Variants in SNTB1 observed in about 807,000 individuals in gnomAD.
The protein encoded by SNTB1 is beta-1-syntrophin.
In SNTB1, 36 loss-of-function variants were observed where a neutral mutation model predicts 48.9. The ratio of observed to expected loss-of-function variants is 0.74; its 90% CI spans 0.56 to 0.97. The LOEUF is 0.97. Among genes scored for constraint, SNTB1 ranks in the 50% least tolerant of loss-of-function variants. The probability of loss-of-function intolerance (pLI) is 0.00; values close to 1 mark genes in which losing one functional copy is unlikely to be tolerated. For missense variants in SNTB1, 786 were observed against 703.4 expected (o/e 1.12, Z -1.33); for synonymous variants, 299 against 294.6 (o/e 1.01, Z -0.15).
intron 1 of SNTB1, among the ~76,000 whole-genome samples, chr8:120,783,696 C>A (rs1314209538): frequency 6.6e-6 from 1 of 152,168 alleles, no homozygotes. Flanking sequence ...CAAAGAAGAA[C>A]AATCAGTAAA....
At chr8:120,561,347 A>AG (rs1815656601) in intron 4 of SNTB1, among the ~76,000 whole-genome samples, 1 of 149,008 alleles carries the variant, frequency 6.7e-6, no homozygotes, top group Admixed American at 6.7e-5. Flanking sequence ...AAAAGAAAAA[A>AG]AGAAAAAAAA....
intron 3 of SNTB1, among the ~76,000 whole-genome samples, chr8:120,615,630 C>A (rs1390151643): frequency 6.6e-6 from 1 of 152,150 alleles, no homozygotes; most frequent in Non-Finnish European, 1.5e-5. Flanking sequence ...TTCCAGGAAC[C>A]AAATACCATT....
chr8:120,646,900 G>A (rs1587060132), intron 2 of SNTB1, among the ~76,000 whole-genome samples: 2 of 151,742 alleles, frequency 1.3e-5, no homozygotes, highest in South Asian at 4.2e-4. Context: ...TTGGGAGAGT[G>A]TATGTGTCCA....
At chr8:120,544,911 T>C (rs950683040) in intron 5 of SNTB1, among the ~76,000 whole-genome samples, 3 of 151,350 alleles carry the variant, frequency 2.0e-5, no homozygotes, top group African/African-American at 7.3e-5. Flanking sequence ...AGTTTCAGGA[T>C]AATTACAAAA....
Position 120,562,876 on chromosome 8 carries a change from A to AAAAAAGAAAAAG in SNTB1, c.1136+12198_1136+12209dup, listed in dbSNP as rs369431796. 5.9e-3 allele frequency among the ~76,000 whole-genome samples: 892 copies of AAAAAAGAAAAAG among 151,814 alleles called. 8 individuals carry two copies. The highest frequency in any genetic ancestry group is 0.021 in the African/African-American group (845 of 41,172). On this transcript the variant is annotated intron_variant, in intron 4 of 6. Transcript: ENST00000517992. The stretch of plus-strand genomic sequence containing the variant: ...TCACAATAACCCTTGCTACCGCTCA[A>AAAAAAGAAAAAG]AAAAAGAAAAAGAAAAAGAAAAAGA...
intron 1 of SNTB1, among the ~76,000 whole-genome samples, chr8:120,799,165 T>C (rs1587172720): frequency 6.6e-6 from 1 of 152,138 alleles, no homozygotes; most frequent in African/African-American, 2.4e-5. Flanking sequence ...ATTGGTTCAT[T>C]CCCTTCACTG....
intron 3 of SNTB1, among the ~76,000 whole-genome samples, chr8:120,591,152 C>T (rs767953830): frequency 5.3e-5 from 8 of 152,198 alleles, no homozygotes; most frequent in Admixed American, 3.9e-4. Flanking sequence ...TGCTTCCCTC[C>T]TAGATTTTCC....
intron 2 of SNTB1, among the ~76,000 whole-genome samples, chr8:120,649,591 A>C (rs1272549047): frequency 6.3e-5 from 9 of 143,804 alleles, no homozygotes; most frequent in Non-Finnish European, 1.4e-4. Context: ...AGGGACATTT[A>C]AGTCTGCAGA....
intron 4 of SNTB1, among the ~76,000 whole-genome samples, chr8:120,552,808 A>G (rs948975195): frequency 1.3e-5 from 2 of 152,134 alleles, no homozygotes; most frequent in African/African-American, 2.4e-5. Context: ...ATTACATTGT[A>G]ATATATAATG....
chr8:120,719,620 G>A lies in SNTB1; in HGVS notation c.572-25712C>T, dbSNP rs146419938. 1.2e-3 allele frequency among the ~76,000 whole-genome samples: 182 copies of A among 152,290 alleles called. 3 individuals carry two copies. The East Asian group carries it at 0.023, about 19-fold the overall frequency. Reference sequence around the variant, plus strand: ...TTCTCCCCCAAAGCTATGACGTTCAGCTGAAGAAGGTTGAACTCGCTGTCT... The same window carrying A: ...TTCTCCCCCAAAGCTATGACGTTCAACTGAAGAAGGTTGAACTCGCTGTCT... On this transcript the variant is annotated intron_variant, in intron 1 of 6. Transcript: ENST00000517992.
At chr8:120,732,470 A>T (rs1192454222) in intron 1 of SNTB1, among the ~76,000 whole-genome samples, 1 of 152,222 alleles carries the variant, frequency 6.6e-6, no homozygotes, top group Non-Finnish European at 1.5e-5. Flanking sequence ...TTCTTCAGGT[A>T]ATTATATCAT....
intron 1 of SNTB1, among the ~76,000 whole-genome samples, chr8:120,698,150 T>G (rs1818241529): frequency 6.6e-6 from 1 of 152,162 alleles, no homozygotes; most frequent in African/African-American, 2.4e-5. Flanking sequence ...ACAATGCCTG[T>G]GAACTTCACC....
At chr8:120,636,081 A>G in intron 2 of SNTB1, 1 of 525,504 alleles carries the variant, frequency 1.9e-6, no homozygotes, top group African/African-American at 2.1e-5. Flanking sequence ...AAAGGAATTT[A>G]TTTCTTATAG....
At chr8:120,744,936 G>A (rs1030059064) in intron 1 of SNTB1, among the ~76,000 whole-genome samples, 1 of 152,056 alleles carries the variant, frequency 6.6e-6, no homozygotes, top group Non-Finnish European at 1.5e-5. Flanking sequence ...AAATAAAATG[G>A]CTGGTTACTC....
chr8:120,679,824 A>G (rs77077596), intron 2 of SNTB1, among the ~76,000 whole-genome samples: 2,127 of 151,556 alleles, frequency 0.014, 49 homozygotes, highest in African/African-American at 0.05. Context: ...CTTAGCTCTC[A>G]TCATGATGAC....
intron 1 of SNTB1, among the ~76,000 whole-genome samples, chr8:120,757,694 A>G (rs1819341158): frequency 6.6e-6 from 1 of 152,128 alleles, no homozygotes; most frequent in African/African-American, 2.4e-5. Flanking sequence ...ACTTCCCTCT[A>G]TTCCAACTGT....
chr8:120,760,055 C>A (rs1819390035), intron 1 of SNTB1, among the ~76,000 whole-genome samples: 1 of 152,170 alleles, frequency 6.6e-6, no homozygotes, highest in African/African-American at 2.4e-5. Flanking sequence ...ACTACATAAA[C>A]AAATGAGAAT....
chr8:120,799,224 A>G (rs928301032), intron 1 of SNTB1, among the ~76,000 whole-genome samples: 1 of 152,038 alleles, frequency 6.6e-6, no homozygotes, highest in Non-Finnish European at 1.5e-5. Flanking sequence ...TACATCCCAA[A>G]TAAACTTCTT....
chr8:120,717,107 G>C (rs1201965300), intron 1 of SNTB1, among the ~76,000 whole-genome samples: 1 of 152,196 alleles, frequency 6.6e-6, no homozygotes, highest in Non-Finnish European at 1.5e-5. Flanking sequence ...AGGTGGTTCA[G>C]ACTTCCTCTG....
Sources: allele counts gnomAD v4.1 joint callset (sites outside exome capture counted in the v4.1 genomes callset), GRCh38; gene constraint gnomAD v4.1.1; transcripts MANE v1.5; gene names NCBI Gene and HGNC (gene_info 2026-07-23, HGNC 2026-07-21).